The following CDC27 variants were observed in gnomAD, a reference collection of about 807,000 sequenced individuals.
CDC27 encodes the protein cell division cycle 27.
CDC27 carries 27 observed loss-of-function variants against 109.7 expected under a neutral mutation model. That is an observed-to-expected ratio of 0.25 (90% CI 0.18 to 0.34). The LOEUF (loss-of-function observed/expected upper bound fraction) is 0.34, where lower values mean the gene tolerates loss of function less well. Ranked by LOEUF, CDC27 falls within the 10% of genes least tolerant of loss-of-function variation. The probability of loss-of-function intolerance (pLI) is 1.00; values close to 1 mark genes in which losing one functional copy is unlikely to be tolerated. For missense variants in CDC27, 579 were observed against 960.2 expected (o/e 0.60, Z 5.25); for synonymous variants, 266 against 333.9 (o/e 0.80, Z 2.22).
At chr17:47,133,058 C>CATACATAT (rs1458970297) in intron 14 of CDC27, among the ~76,000 whole-genome samples, 15 of 31,052 alleles carry the variant, frequency 4.8e-4, no homozygotes, top group Admixed American at 4.3e-3. Flanking sequence ...CACACACATA[C>CATACATAT]ATATACACAC....
chr17:47,158,453 A>C (rs901557158), intron 4 of CDC27, 150 bp from the exon 5 acceptor site: 6 of 410,564 alleles, frequency 1.5e-5, no homozygotes, highest in Middle Eastern at 4.8e-4. Flanking sequence ...CCCATCTGCT[A>C]ATCTCCAAAT....
chr17:47,132,158 C>T, intron 15 of CDC27, 99 bp downstream of exon 15: 1 of 643,738 alleles, frequency 1.6e-6, no homozygotes, highest in South Asian at 2.4e-5. Flanking sequence ...ACTGTTTCAA[C>T]ACAAAAAAGG....
In CDC27 at chr17:47,154,737, A is replaced by G. The variant is rs890781235; in HGVS notation, c.892T>C (p.Leu298=). ...GGAGGTGTATTAGTGTAGTTTTGTA[A>G]ATAGGATCCATCTCCAGGACTTGGG... ...ETPSPGDGSY[L]QNYTNTPPVI... The change falls in exon 8 of 19, where the codon TTA becomes CTA. Residue 298 remains leucine (L), a synonymous_variant. Coordinates refer to ENST00000066544, the MANE Select transcript of CDC27 (RefSeq NM_001256.6). 2 of 1,610,672 alleles carry G rather than the reference A, an allele frequency of 1.2e-6. No individual in the cohort carries two copies. Among genetic ancestry groups the G allele is most frequent in the Non-Finnish European group, 1.7e-6 (2 of 1,177,670 alleles).
chr17:47,166,825 T>C (rs1214782714), intron 4 of CDC27, among the ~76,000 whole-genome samples: 1 of 152,172 alleles, frequency 6.6e-6, no homozygotes, highest in Non-Finnish European at 1.5e-5. Flanking sequence ...AAATCTCCTG[T>C]GAGACTTCCT....
At chr17:47,135,200 T>C (rs1391253433) in intron 14 of CDC27, among the ~76,000 whole-genome samples, 1 of 152,208 alleles carries the variant, frequency 6.6e-6, no homozygotes, top group African/African-American at 2.4e-5. Flanking sequence ...AATTATAGCA[T>C]ACATAGTGTC....
At chr17:47,121,692 T>C (rs1487849748) in intron 18 of CDC27, among the ~76,000 whole-genome samples, 1 of 151,672 alleles carries the variant, frequency 6.6e-6, no homozygotes, top group Admixed American at 6.6e-5. Flanking sequence ...CTCAGCCTCC[T>C]GAGTAGCTGC....
chr17:47,150,773 C>T (rs938673756), intron 9 of CDC27, among the ~76,000 whole-genome samples: 5 of 152,166 alleles, frequency 3.3e-5, no homozygotes, highest in Non-Finnish European at 5.9e-5. Context: ...TGGCTCATGC[C>T]TGTAATCCCA....
intron 15 of CDC27, among the ~76,000 whole-genome samples, chr17:47,130,469 T>A (rs1416468182): frequency 6.6e-6 from 1 of 152,262 alleles, no homozygotes; most frequent in Non-Finnish European, 1.5e-5. Flanking sequence ...TAACTTAAGA[T>A]ATTTTAAATA....
At chr17:47,159,957 G>A (rs748157932) in intron 4 of CDC27, 7 of 316,400 alleles carry the variant, frequency 2.2e-5, no homozygotes, top group East Asian at 1.2e-4. Context: ...CCCCATCCAC[G>A]GCTGCGACCC....
chr17:47,181,444 G>T (rs991040629), intron 2 of CDC27, 118 bp downstream of exon 2: 8 of 553,470 alleles, frequency 1.4e-5, no homozygotes, highest in Non-Finnish European at 2.3e-5. Flanking sequence ...ATGAACTAGT[G>T]TCAATCAGAA....
At chr17:47,183,259 T>A (rs979889065) in intron 1 of CDC27, among the ~76,000 whole-genome samples, 1 of 152,174 alleles carries the variant, frequency 6.6e-6, no homozygotes, top group Non-Finnish European at 1.5e-5. Flanking sequence ...ACCAGTAAAA[T>A]CTGGTTACTG....
intron 13 of CDC27, among the ~76,000 whole-genome samples, chr17:47,138,173 C>T (rs2062680507): frequency 6.6e-6 from 1 of 152,146 alleles, no homozygotes; most frequent in African/African-American, 2.4e-5. Context: ...TTATAATCCA[C>T]AATCTATCTC....
Position 47,143,971 on chromosome 17 carries a change from T to C in CDC27, c.1082A>G (p.Gln361Arg), listed in dbSNP as rs746811966. Residue 361 changes from glutamine to arginine, a missense_variant, in exon 10 of 19, where the codon CAG (glutamine) becomes CGG (arginine). Physicochemically the swap from Gln to Arg is conservative, Grantham distance 43 (BLOSUM62 1). This residue lies in a region of CDC27 where 51 missense variants were observed against 43.8 expected (regional missense o/e 1.16). Coordinates refer to ENST00000066544, the MANE Select transcript of CDC27 (RefSeq NM_001256.6). Reference protein sequence around the residue: ...SSGPQTSTTPQVLSPTITSPP... With the variant: ...SSGPQTSTTPRVLSPTITSPP... Reference sequence around the variant, plus strand: ...AGATGTAATAGTGGGGCTCAATACCTGAGGTGTTGTACTAAAAAAAAATTA... The same window carrying C: ...AGATGTAATAGTGGGGCTCAATACCCGAGGTGTTGTACTAAAAAAAAATTA... The C allele has an allele frequency of 1.4e-6, 2 of 1,438,994 alleles. No homozygotes were observed. The highest frequency in any genetic ancestry group is 1.4e-5 in the African/African-American group (1 of 69,704). 89.1% of individuals were successfully genotyped at this position (1,438,994 alleles called of 1,614,324 possible).
At chr17:47,142,777 C>G (rs1165201689) in intron 10 of CDC27, among the ~76,000 whole-genome samples, 3 of 152,204 alleles carry the variant, frequency 2.0e-5, no homozygotes, top group African/African-American at 7.2e-5. Context: ...CTCCCGGGTT[C>G]AAGCGATTCT....
At chr17:47,138,618 AG>A (rs2062695658) in intron 13 of CDC27, 120 bp downstream of exon 13, 2 of 638,994 alleles carry the variant, frequency 3.1e-6, no homozygotes, top group Middle Eastern at 4.1e-4. Context: ...CTAGAGAGAG[AG>A]GAAAAAAAAG....
intron 4 of CDC27, among the ~76,000 whole-genome samples, chr17:47,158,533 T>C (rs2063390038): frequency 6.6e-6 from 1 of 152,104 alleles, no homozygotes; most frequent in South Asian, 2.1e-4. Context: ...CCTTCTTGAA[T>C]ATTACTATTA....
chr17:47,126,152 C>T (rs1347626796), intron 16 of CDC27, among the ~76,000 whole-genome samples: 1 of 151,906 alleles, frequency 6.6e-6, no homozygotes, highest in African/African-American at 2.4e-5. Flanking sequence ...TTGAAATGGC[C>T]CCCTTGATTT....
intron 1 of CDC27, among the ~76,000 whole-genome samples, chr17:47,187,201 G>A (rs1012031924): frequency 6.6e-6 from 1 of 152,176 alleles, no homozygotes; most frequent in African/African-American, 2.4e-5. Flanking sequence ...ATATCAAAGT[G>A]TATTACTGCT....
Position 47,118,327 on chromosome 17 carries a change from G to T in CDC27, c.*2608C>A, listed in dbSNP as rs973239856. The T allele has an allele frequency of 2.6e-5, 4 of 152,438 alleles. No homozygotes were observed. Among genetic ancestry groups the T allele is most frequent in the African/African-American group, 9.7e-5 (4 of 41,406 alleles). 9.4% of individuals were successfully genotyped at this position (152,438 alleles called of 1,614,324 possible). ...GGAAAAATTAAAAATTTTAAGTGAT[G>T]AATACAGAAAATGTAGGGACCACCT... On this transcript the variant is annotated 3_prime_UTR_variant, in exon 19 of 19. Coordinates refer to ENST00000066544, the MANE Select transcript of CDC27 (RefSeq NM_001256.6).
Sources: gnomAD v4.1 joint callset for allele counts (sites outside exome capture counted in the v4.1 genomes callset) on GRCh38, gnomAD v4.1.1 for gene constraint, gnomAD v4.1.1 regional missense constraint, MANE v1.5 for transcripts, NCBI Gene and HGNC (gene_info 2026-07-23, HGNC 2026-07-21) for gene names.